SLC35D3: variants seen among roughly 807,000 people sequenced by gnomAD.
SLC35D3 encodes the protein solute carrier family 35 member D3.
SLC35D3 carries 18 observed loss-of-function variants against 20.3 expected under a neutral mutation model. The observed-to-expected ratio is 0.89, with a 90% confidence interval of 0.61 to 1.32. SLC35D3 has a LOEUF of 1.32. SLC35D3 is among the 40% of genes most tolerant of loss of function. The probability of loss-of-function intolerance (pLI) is 0.00; values close to 1 mark genes in which losing one functional copy is unlikely to be tolerated. For synonymous variants in SLC35D3, 313 were observed against 263.5 expected (o/e 1.19, Z -1.82); for missense variants, 556 against 565.5 (o/e 0.98, Z 0.17).
chr6:136,923,801 C>T lies in SLC35D3; in HGVS notation c.440-84C>T. ...CCTTTCCTACCCGACGCGTTTTCCC[C>T]GTGGGTCCCCGCCCACGCCAACCTG... is the stretch of plus-strand genomic sequence containing the variant. On this transcript the variant is annotated intron_variant, in intron 1 of 1. Transcript: ENST00000331858. This position sits in a 1 kb window ranked among gnomAD's most constrained non-coding sequence, Gnocchi z 6.2. 4.5e-6 allele frequency: 6 copies of T among 1,339,378 alleles called. No homozygotes were observed. The highest frequency in any genetic ancestry group is 2.8e-5 in the Admixed American group (1 of 36,244). The allele number at this position is 1,339,378 out of a possible 1,614,324, so 83.0% of individuals were successfully genotyped here.
chr6:136,923,922 C>A lies in SLC35D3; in HGVS notation c.477C>A (p.Val159=). Residue 159 remains valine (V), a synonymous_variant, in exon 2 of 2, where the codon GTC becomes GTA. Transcript: ENST00000331858. The surrounding 1 kb of genome is among the most constrained non-coding windows in gnomAD (Gnocchi z 6.2). ...TGACGGGCGACCCCATCGGGTACGTCACGGGAGTGCTGGCGGTGCTGGTGC... is the reference window on the plus strand; with the variant it reads ...TGACGGGCGACCCCATCGGGTACGTAACGGGAGTGCTGGCGGTGCTGGTGC... ...GDLTGDPIGY[V]TGVLAVLVHA... 1 of 1,539,882 alleles carries A rather than the reference C, an allele frequency of 6.5e-7. No homozygotes were observed. The highest frequency in any genetic ancestry group is 8.7e-7 in the Non-Finnish European group (1 of 1,146,498).
rs1393108076 is a variant in SLC35D3 at position 136,924,990 on chromosome 6, C to G, written c.*294C>G. The G allele has an allele frequency of 3.8e-6, 1 of 265,518 alleles. No homozygotes were observed. The highest frequency in any genetic ancestry group is 7.1e-6 in the Non-Finnish European group (1 of 140,028). 16.4% of individuals were successfully genotyped at this position (265,518 alleles called of 1,614,324 possible). A position where few individuals can be genotyped will look rare whatever the true frequency, so the allele number is the denominator to read the frequency against. ...TTACTTTTTGTCATTATAACCATAA[C>G]TAAATATCTGCATGTACCAAGAGTC... On this transcript the variant is annotated 3_prime_UTR_variant, in exon 2 of 2. Coordinates refer to ENST00000331858, the MANE Select transcript of SLC35D3 (RefSeq NM_001008783.3).
rs1428721642 is a variant in SLC35D3 at position 136,923,319 on chromosome 6, G to A, written c.439+452G>A. Among the ~76,000 whole-genome samples the A allele has an allele frequency of 6.6e-6, 1 of 152,194 alleles. No homozygotes were observed. The highest frequency in any genetic ancestry group is 1.5e-5 in the Non-Finnish European group (1 of 68,028). On this transcript the variant is annotated intron_variant, in intron 1 of 1. Transcript: ENST00000331858. The surrounding 1 kb of genome is among the most constrained non-coding windows in gnomAD (Gnocchi z 6.2). ...GATGGGGGCGAAGCTGAGGGTTCCCGGGGCTACTGCGGGGTGTCTCGTGCT... is the reference window on the plus strand; with the variant it reads ...GATGGGGGCGAAGCTGAGGGTTCCCAGGGCTACTGCGGGGTGTCTCGTGCT...
At position 136,924,407 on chromosome 6, in the gene SLC35D3, A is replaced by G. The variant is rs1776105029; in HGVS notation, c.962A>G (p.Glu321Gly). The G allele has an allele frequency of 2.5e-6, 4 of 1,613,972 alleles. No individual in the cohort carries two copies. The highest frequency in any genetic ancestry group is 1.6e-4 in the Middle Eastern group (1 of 6,062). ...YEDLEAQPRGEEAQLSGDQLP... is the reference protein window; with the variant it reads ...YEDLEAQPRGGEAQLSGDQLP... ...GACCTGGAGGCCCAGCCTCGGGGAGAGGAGGCGCAGCTAAGTGGAGACCAG... is the reference window on the plus strand; with the variant it reads ...GACCTGGAGGCCCAGCCTCGGGGAGGGGAGGCGCAGCTAAGTGGAGACCAG... The change falls in exon 2 of 2, where the codon GAG becomes GGG. Residue 321 changes from glutamate (E) to glycine (G), a missense_variant. By Grantham distance (98) the Glu-to-Gly change is moderately conservative. Transcript: ENST00000331858.
In SLC35D3 at chr6:136,924,983, A is replaced by C; in HGVS notation, c.*287A>C. ...GGCACATTTACTTTTTGTCATTATA[A>C]CCATAACTAAATATCTGCATGTACC... On this transcript the variant is annotated 3_prime_UTR_variant, in exon 2 of 2. Coordinates refer to ENST00000331858, the MANE Select transcript of SLC35D3 (RefSeq NM_001008783.3). 1 of 281,266 alleles carries C rather than the reference A, an allele frequency of 3.6e-6. No individual in the cohort carries two copies. 17.4% of individuals were successfully genotyped at this position (281,266 alleles called of 1,614,324 possible).
In SLC35D3 at chr6:136,924,451, G is replaced by GAGCT; in HGVS notation, c.1007_1010dup (p.Pro338AlafsTer42). ...AGACCAGCTGCCGTTCGTGATGGAG[G>GAGCT]AGCTGCCCGGGGAGGGAGGAAATGG... On this transcript the variant is annotated frameshift_variant, in exon 2 of 2. Transcript: ENST00000331858. LOFTEE classifies it high-confidence loss of function. The GAGCT allele has an allele frequency of 6.2e-7, 1 of 1,613,922 alleles. No individual in the cohort carries two copies. Among genetic ancestry groups the GAGCT allele is most frequent in the Non-Finnish European group, 8.5e-7 (1 of 1,179,898 alleles).
In SLC35D3 at chr6:136,922,484, G is replaced by C. The variant is rs1419668564; in HGVS notation, c.56G>C (p.Gly19Ala). ...GGCATCTCGGTGGCCATCGCGCACG[G>C]GGTCTTCTCGGGCTCCCTCAACATC... ...VLGISVAIAH[G>A]VFSGSLNILL... The change falls in exon 1 of 2, where the codon GGG becomes GCG. Residue 19 changes from glycine (G) to alanine (A), a missense_variant. By Grantham distance (60) the Gly-to-Ala change is moderately conservative. Transcript: ENST00000331858. The surrounding 1 kb of genome is among the most constrained non-coding windows in gnomAD (Gnocchi z 6.8). 1 of 1,606,750 alleles carries C rather than the reference G, an allele frequency of 6.2e-7. No individual in the cohort carries two copies. Among genetic ancestry groups the C allele is most frequent in the East Asian group, 2.3e-5 (1 of 44,332 alleles).
In SLC35D3 at chr6:136,922,455, G is replaced by C. The variant is rs781699203; in HGVS notation, c.27G>C (p.Val9=). Residue 9 remains valine (V), a synonymous_variant, in exon 1 of 2, where the codon GTG becomes GTC. Coordinates refer to ENST00000331858, the MANE Select transcript of SLC35D3 (RefSeq NM_001008783.3). The surrounding 1 kb of genome is among the most constrained non-coding windows in gnomAD (Gnocchi z 6.8). MRQLCRGR[V]LGISVAIAHG... is the part of the protein sequence containing the mutation. ...TGCGGCAGCTGTGCCGGGGCCGCGT[G>C]CTGGGCATCTCGGTGGCCATCGCGC... The C allele has an allele frequency of 2.5e-6, 4 of 1,599,770 alleles. No homozygotes were observed. The highest frequency in any genetic ancestry group is 1.1e-5 in the South Asian group (1 of 88,906).
Position 136,923,932 on chromosome 6 carries a change from C to A in SLC35D3, c.487C>A (p.Leu163Met). ...GDPIGYVTGV[L>M]AVLVHAAYLV... The stretch of plus-strand genomic sequence containing the variant: ...CCCCATCGGGTACGTCACGGGAGTG[C>A]TGGCGGTGCTGGTGCACGCTGCCTA... The change falls in exon 2 of 2, where the codon CTG becomes ATG. Residue 163 changes from leucine to methionine, a missense_variant. Coordinates refer to ENST00000331858, the MANE Select transcript of SLC35D3 (RefSeq NM_001008783.3). The surrounding 1 kb of genome is among the most constrained non-coding windows in gnomAD (Gnocchi z 6.2). 1.3e-6 allele frequency: 2 copies of A among 1,542,418 alleles called. No individual in the cohort carries two copies. The highest frequency in any genetic ancestry group is 1.7e-6 in the Non-Finnish European group (2 of 1,147,724).
At position 136,923,595 on chromosome 6, in the gene SLC35D3, G is replaced by A. The variant is rs115516258; in HGVS notation, c.440-290G>A. Among the ~76,000 whole-genome samples, 5,902 of 152,282 alleles carry A rather than the reference G, an allele frequency of 0.039. 133 individuals are homozygous for A. Among genetic ancestry groups the A allele is most frequent in the African/African-American group, 0.063 (2,604 of 41,556 alleles). The stretch of plus-strand genomic sequence containing the variant: ...GGGAAGCCACAGCACCTGCCCCGAG[G>A]GCATCTGCGCTCTCCGGGGCCTTTG... On this transcript the variant is annotated intron_variant, in intron 1 of 1. Transcript: ENST00000331858. The surrounding 1 kb of genome is among the most constrained non-coding windows in gnomAD (Gnocchi z 6.2).
Position 136,922,875 on chromosome 6 carries a change from G to A in SLC35D3, c.439+8G>A, listed in dbSNP as rs1776082592. ...GCGGCGCCGCCCTGGCAGGTGAGCG[G>A]GCCCCCGCGCCGACCCCCAGCCGAC... is the stretch of plus-strand genomic sequence containing the variant. On this transcript the variant is annotated splice_region_variant and intron_variant, in intron 1 of 1. Coordinates refer to ENST00000331858, the MANE Select transcript of SLC35D3 (RefSeq NM_001008783.3). The surrounding 1 kb of genome is among the most constrained non-coding windows in gnomAD (Gnocchi z 6.8). The A allele has an allele frequency of 8.5e-6, 13 of 1,523,106 alleles. No homozygotes were observed. Among genetic ancestry groups the A allele is most frequent in the African/African-American group, 6.9e-5 (5 of 72,408 alleles). The allele number at this position is 1,523,106 out of a possible 1,614,324, so 94.3% of individuals were successfully genotyped here.
chr6:136,924,916 G>A lies in SLC35D3; in HGVS notation c.*220G>A. ...CATCACAGAGACAAAAGAATGTGAA[G>A]CTACTTAACAAAGTAAGGCAACGTT... is the stretch of plus-strand genomic sequence containing the variant. On this transcript the variant is annotated 3_prime_UTR_variant, in exon 2 of 2. Transcript: ENST00000331858. 1 of 476,546 alleles carries A rather than the reference G, an allele frequency of 2.1e-6. No individual in the cohort carries two copies. Among genetic ancestry groups the A allele is most frequent in the African/African-American group, 1.9e-5 (1 of 51,302 alleles). 29.5% of individuals were successfully genotyped at this position (476,546 alleles called of 1,614,324 possible).
chr6:136,922,380 G>C lies in SLC35D3; in HGVS notation c.-49G>C, dbSNP rs752292111. 1 of 1,380,640 alleles carries C rather than the reference G, an allele frequency of 7.2e-7. No homozygotes were observed. The highest frequency in any genetic ancestry group is 1.5e-5 in the African/African-American group (1 of 65,218). 85.5% of individuals were successfully genotyped at this position (1,380,640 alleles called of 1,614,324 possible). A position where few individuals can be genotyped will look rare whatever the true frequency, so the allele number is the denominator to read the frequency against. ...CACTCCGCTGCTCCCGGCTCCTCGC[G>C]CGCAGGTCGCGGAGCTCCGCCACCG... is the stretch of plus-strand genomic sequence containing the variant. On this transcript the variant is annotated 5_prime_UTR_variant, in exon 1 of 2. Transcript: ENST00000331858. This position sits in a 1 kb window ranked among gnomAD's most constrained non-coding sequence, Gnocchi z 6.8.
rs1020028786 is a variant in SLC35D3 at position 136,924,774 on chromosome 6, C to G, written c.*78C>G. ...AATGACGTGTTTTAATGAGAGGCCT[C>G]CCCGTTTTATTCTTTGAGGAGTGGG... On this transcript the variant is annotated 3_prime_UTR_variant, in exon 2 of 2. Transcript: ENST00000331858. 38 of 1,347,186 alleles carry G rather than the reference C, an allele frequency of 2.8e-5. No individual in the cohort carries two copies. The highest frequency in any genetic ancestry group is 3.5e-5 in the Non-Finnish European group (35 of 1,004,946). The allele number at this position is 1,347,186 out of a possible 1,614,324, so 83.5% of individuals were successfully genotyped here.
rs1776112031 is a variant in SLC35D3, at chr6:136,924,778, G to A, written c.*82G>A. ...ACGTGTTTTAATGAGAGGCCTCCCC[G>A]TTTTATTCTTTGAGGAGTGGGGAAG... On this transcript the variant is annotated 3_prime_UTR_variant, in exon 2 of 2. Coordinates refer to ENST00000331858, the MANE Select transcript of SLC35D3 (RefSeq NM_001008783.3). 1 of 1,329,088 alleles carries A rather than the reference G, an allele frequency of 7.5e-7. No individual in the cohort carries two copies. The highest frequency in any genetic ancestry group is 1.0e-6 in the Non-Finnish European group (1 of 991,474). 82.3% of individuals were successfully genotyped at this position (1,329,088 alleles called of 1,614,324 possible). A position where few individuals can be genotyped will look rare whatever the true frequency, so the allele number is the denominator to read the frequency against.
Position 136,924,396 on chromosome 6 carries a change from G to A in SLC35D3, c.951G>A (p.Gln317=), listed in dbSNP as rs150994900. 6.2e-7 allele frequency: 1 copy of A among 1,614,064 alleles called. No individual in the cohort carries two copies. The highest frequency in any genetic ancestry group is 1.7e-5 in the Admixed American group (1 of 60,026). The change falls in exon 2 of 2, where the codon CAG becomes CAA. Residue 317 remains glutamine (Q), a synonymous_variant. Transcript: ENST00000331858. ...GCAACTACGAGGACCTGGAGGCCCA[G>A]CCTCGGGGAGAGGAGGCGCAGCTAA... ...KQSNYEDLEA[Q]PRGEEAQLSG...
Position 136,922,901 on chromosome 6 carries a change from C to A in SLC35D3, c.439+34C>A. ...GCCCCCGCGCCGACCCCCAGCCGAC[C>A]CCACCCACCCCGCTCCGTCGGGCAG... On this transcript the variant is annotated intron_variant, in intron 1 of 1. Transcript: ENST00000331858. This position sits in a 1 kb window ranked among gnomAD's most constrained non-coding sequence, Gnocchi z 6.8. 1 of 1,488,780 alleles carries A rather than the reference C, an allele frequency of 6.7e-7. No homozygotes were observed. The highest frequency in any genetic ancestry group is 1.3e-5 in the South Asian group (1 of 74,352). 92.2% of individuals were successfully genotyped at this position (1,488,780 alleles called of 1,614,324 possible). A position where few individuals can be genotyped will look rare whatever the true frequency, so the allele number is the denominator to read the frequency against.
rs1306380247 is a variant in SLC35D3, at chr6:136,923,721, C to A, written c.440-164C>A. ...TTTGACACGGGTGGCCGAGGGACGG[C>A]GGGCGTCTGTCACTCAGGAATCCGG... On this transcript the variant is annotated intron_variant, in intron 1 of 1. Coordinates refer to ENST00000331858, the MANE Select transcript of SLC35D3 (RefSeq NM_001008783.3). This position sits in a 1 kb window ranked among gnomAD's most constrained non-coding sequence, Gnocchi z 6.2. 6.6e-6 allele frequency among the ~76,000 whole-genome samples: 1 copy of A among 152,166 alleles called. No individual in the cohort carries two copies. The highest frequency in any genetic ancestry group is 1.5e-5 in the Non-Finnish European group (1 of 68,014).
Position 136,924,729 on chromosome 6 carries a change from C to A in SLC35D3, c.*33C>A, listed in dbSNP as rs1196840081. The A allele has an allele frequency of 7.8e-6, 12 of 1,536,662 alleles. No homozygotes were observed. Among genetic ancestry groups the A allele is most frequent in the Non-Finnish European group, 1.1e-5 (12 of 1,136,964 alleles). On this transcript the variant is annotated 3_prime_UTR_variant, in exon 2 of 2. Transcript: ENST00000331858. ...GTGCATGTACGTACCTATGTGCATA[C>A]ACTTATTTTATATGTTAGAAATGAC...
Sources: gnomAD v4.1 joint callset for allele counts (sites outside exome capture counted in the v4.1 genomes callset) on GRCh38, gnomAD v4.1.1 for gene constraint, Gnocchi (gnomAD v3.1) non-coding constraint, MANE v1.5 for transcripts, NCBI Gene and HGNC (gene_info 2026-07-23, HGNC 2026-07-21) for gene names.